PRR16: variants seen among roughly 807,000 people sequenced by gnomAD.
PRR16 encodes proline rich 16, also known as protein Largen.
A neutral mutation model predicts 18.2 loss-of-function variants in PRR16; 6 were observed. That is an observed-to-expected ratio of 0.33 (90% CI 0.18 to 0.65). The LOEUF (loss-of-function observed/expected upper bound fraction) is 0.65, where lower values mean the gene tolerates loss of function less well. Ranked by LOEUF, PRR16 falls within the 30% of genes least tolerant of loss-of-function variation. PRR16 has a pLI of 0.74. For synonymous variants in PRR16, 151 were observed against 147.8 expected, an observed-to-expected ratio of 1.02 and a Z score of -0.16; for missense variants, 412 against 376.6, an observed-to-expected ratio of 1.09 and a Z score of -0.78.
At chr5:120,634,216 T>A (rs945784829) in intron 1 of PRR16, among the ~76,000 whole-genome samples, 1 of 152,120 alleles carries the variant, frequency 6.6e-6, no homozygotes, top group African/African-American at 2.4e-5. Context: ...AATTAAAAAA[T>A]TATTTGAACT....
At chr5:120,672,605 A>T (rs1240694963) in intron 1 of PRR16, among the ~76,000 whole-genome samples, 1 of 151,874 alleles carries the variant, frequency 6.6e-6, no homozygotes, top group Non-Finnish European at 1.5e-5. Flanking sequence ...CTGTAACTGC[A>T]AGGCAAAGAA....
At chr5:120,509,894 T>G in intron 1 of PRR16, among the ~76,000 whole-genome samples, 1 of 151,920 alleles carries the variant, frequency 6.6e-6, no homozygotes, top group Non-Finnish European at 1.5e-5. Flanking sequence ...GGTCTTCAAG[T>G]TTTTTTTCTG....
the PRR16 span, among the ~76,000 whole-genome samples, chr5:120,741,476 A>C: frequency 6.6e-6 from 1 of 152,166 alleles, no homozygotes; most frequent in Non-Finnish European, 1.5e-5. Flanking sequence ...CAGTTATTAC[A>C]AAGTTTTGGC....
the PRR16 span, among the ~76,000 whole-genome samples, chr5:120,770,036 C>T: frequency 6.6e-6 from 1 of 151,820 alleles, no homozygotes; most frequent in Non-Finnish European, 1.5e-5. Flanking sequence ...AGTCCTTTGC[C>T]CATTTTTAAA....
the PRR16 span, among the ~76,000 whole-genome samples, chr5:120,732,068 A>C: frequency 6.6e-6 from 1 of 152,176 alleles, no homozygotes; most frequent in Non-Finnish European, 1.5e-5. Flanking sequence ...ACTATAGGAA[A>C]ACCAAAAAGA....
At chr5:120,572,806 G>A (rs1469743797) in intron 1 of PRR16, among the ~76,000 whole-genome samples, 1 of 152,164 alleles carries the variant, frequency 6.6e-6, no homozygotes, top group Non-Finnish European at 1.5e-5. Flanking sequence ...GAAGCCTAGT[G>A]AAAATATTTG....
intron 1 of PRR16, among the ~76,000 whole-genome samples, chr5:120,601,166 G>A (rs1753970486): frequency 6.6e-6 from 1 of 151,952 alleles, no homozygotes. Flanking sequence ...TTCCACAGTG[G>A]CGGAACTAAT....
chr5:120,519,115 C>T (rs1751090956), intron 1 of PRR16, among the ~76,000 whole-genome samples: 1 of 151,968 alleles, frequency 6.6e-6, no homozygotes, highest in South Asian at 2.1e-4. Context: ...CTTCTTATTT[C>T]CCAATAGATC....
At chr5:120,545,635 T>C (rs1461099504) in intron 1 of PRR16, among the ~76,000 whole-genome samples, 3 of 152,090 alleles carry the variant, frequency 2.0e-5, no homozygotes, top group Non-Finnish European at 2.9e-5. Context: ...TATAATTTTA[T>C]AGATATCTGT....
intron 1 of PRR16, among the ~76,000 whole-genome samples, chr5:120,586,057 C>T (rs1753430358): frequency 6.6e-6 from 1 of 151,720 alleles, no homozygotes; most frequent in African/African-American, 2.4e-5. Context: ...CCTGTAGTCC[C>T]AGCTACTCAG....
At chr5:120,536,807 A>G (rs530263687) in intron 1 of PRR16, among the ~76,000 whole-genome samples, 5 of 152,366 alleles carry the variant, frequency 3.3e-5, no homozygotes, top group South Asian at 4.1e-4. Flanking sequence ...GTGATTGATA[A>G]TTATTTGATT....
At chr5:120,512,648 T>C (rs1750864864) in intron 1 of PRR16, among the ~76,000 whole-genome samples, 1 of 152,162 alleles carries the variant, frequency 6.6e-6, no homozygotes, top group African/African-American at 2.4e-5. Context: ...ATTTTCTGCT[T>C]GTCTAGGATA....
At chr5:120,761,091 AATTT>A in the PRR16 span, among the ~76,000 whole-genome samples, 2 of 150,060 alleles carry the variant, frequency 1.3e-5, no homozygotes, top group Non-Finnish European at 2.9e-5. Context: ...ATACATATAA[AATTT>A]ATTATTTTAT....
intron 1 of PRR16, among the ~76,000 whole-genome samples, chr5:120,605,665 G>T (rs560519799): frequency 9.2e-5 from 14 of 152,250 alleles, no homozygotes; most frequent in African/African-American, 3.4e-4. Flanking sequence ...TTTAATCTTT[G>T]AAGTTTTTTG....
At position 120,501,724 on chromosome 5, in the gene PRR16, A is replaced by G. The variant is rs149652059; in HGVS notation, c.159+37079A>G. Among the ~76,000 whole-genome samples, 1,140 of 152,168 alleles carry G rather than the reference A, an allele frequency of 7.5e-3. 21 individuals carry two copies. The highest frequency in any genetic ancestry group is 0.026 in the African/African-American group (1,094 of 41,532). ...AGTATATCAGCACTTTGGGAGGCTG[A>G]GGCGGGCAGATCACAAGGTCAGGAG... On this transcript the variant is annotated intron_variant, in intron 1 of 1. Transcript: ENST00000407149.
At chr5:120,745,312 C>G in the PRR16 span, among the ~76,000 whole-genome samples, 1 of 152,158 alleles carries the variant, frequency 6.6e-6, no homozygotes, top group Non-Finnish European at 1.5e-5. Context: ...CTTTTTCTCT[C>G]TGCTTTACTC....
chr5:120,562,077 A>G (rs1173819335), intron 1 of PRR16, among the ~76,000 whole-genome samples: 1 of 152,126 alleles, frequency 6.6e-6, no homozygotes, highest in Non-Finnish European at 1.5e-5. Context: ...AATATGGGAT[A>G]TTGAAGTCTC....
At chr5:120,714,869 T>C in the PRR16 span, among the ~76,000 whole-genome samples, 2 of 152,146 alleles carry the variant, frequency 1.3e-5, no homozygotes, top group African/African-American at 4.8e-5. Flanking sequence ...GCCATCATCC[T>C]TAGCAAACTA....
At chr5:120,533,141 T>C (rs1751605192) in intron 1 of PRR16, among the ~76,000 whole-genome samples, 1 of 152,208 alleles carries the variant, frequency 6.6e-6, no homozygotes. Flanking sequence ...TTCCTGCCCT[T>C]TTGGAGTGAT....
Sources: gnomAD v4.1 joint callset for allele counts (sites outside exome capture counted in the v4.1 genomes callset) on GRCh38, gnomAD v4.1.1 for gene constraint, MANE v1.5 for transcripts, NCBI Gene and HGNC (gene_info 2026-07-23, HGNC 2026-07-21) for gene names.